C7: variants seen among roughly 807,000 people sequenced by gnomAD.
The protein encoded by C7 is complement component C7.
In C7, 83 loss-of-function variants were observed where a neutral mutation model predicts 104.8. That is an observed-to-expected ratio of 0.79 (90% CI 0.66 to 0.95). The LOEUF is 0.95. Ranked by LOEUF, C7 falls within the 40% of genes least tolerant of loss-of-function variation. The probability of loss-of-function intolerance (pLI) is 0.00; values close to 1 mark genes in which losing one functional copy is unlikely to be tolerated. For missense variants in C7, 1,070 were observed against 1,011.2 expected (o/e 1.06, Z -0.79); for synonymous variants, 415 against 360.6 (o/e 1.15, Z -1.71).
At chr5:40,969,591 G>A (rs968954435) in intron 14 of C7, among the ~76,000 whole-genome samples, 2 of 152,110 alleles carry the variant, frequency 1.3e-5, no homozygotes, top group African/African-American at 4.8e-5. Flanking sequence ...CTATTCCAAG[G>A]ATGTGGCCAT....
intron 1 of C7, among the ~76,000 whole-genome samples, chr5:40,917,322 C>T (rs1163994163): frequency 6.6e-6 from 1 of 152,052 alleles, no homozygotes; most frequent in African/African-American, 2.4e-5. Flanking sequence ...ACTTATTAGA[C>T]TTCAACATTT....
Position 40,955,488 on chromosome 5 carries a change from A to G in C7, c.1195A>G (p.Asn399Asp), listed in dbSNP as rs1455934108. ...SYLELDNPAG[N>D]KRRYSAWAES... ...CCTAGAGCTGGACAATCCTGCTGGA[A>G]ACAAAAGGCGATATTCTGCCTGGGC... The change falls in exon 10 of 18, where the codon AAC (asparagine) becomes GAC (aspartate). Residue 399 changes from asparagine to aspartate, a missense_variant. Coordinates refer to ENST00000313164, the MANE Select transcript of C7 (RefSeq NM_000587.4). The G allele has an allele frequency of 6.2e-7, 1 of 1,613,464 alleles. No individual in the cohort carries two copies. The highest frequency in any genetic ancestry group is 8.5e-7 in the Non-Finnish European group (1 of 1,179,668).
intron 1 of C7, among the ~76,000 whole-genome samples, chr5:40,912,060 T>A (rs530644675): frequency 3.3e-5 from 5 of 152,262 alleles, no homozygotes; most frequent in African/African-American, 1.2e-4. Context: ...ACATACTTCT[T>A]CAACCAAGCA....
intron 16 of C7, among the ~76,000 whole-genome samples, chr5:40,978,017 C>T (rs2111725972): frequency 6.6e-6 from 1 of 151,746 alleles, no homozygotes; most frequent in Admixed American, 6.6e-5. Flanking sequence ...TCTTGTAGTC[C>T]CAGCTACTCA....
At position 40,964,020 on chromosome 5, in the gene C7, CTTTTTTTTTTTTTTTTTT is replaced by C. The variant is rs869250524; in HGVS notation, c.1750-707_1750-690del. 2.5e-3 allele frequency among the ~76,000 whole-genome samples: 100 copies of C among 39,894 alleles called. 3 individuals are homozygous for C. In the South Asian group the frequency reaches 0.14, roughly 57 times the overall value. The allele number at this position is 39,894 out of a possible 152,430, so 26.2% of individuals were successfully genotyped here. On this transcript the variant is annotated intron_variant, in intron 13 of 17. Coordinates refer to ENST00000313164, the MANE Select transcript of C7 (RefSeq NM_000587.4). ...TATTGTCAATGAACAGCTCATAATA[CTTTTTTTTTTTTTTTTTT>C]TTTTTTTTTTTTTAGAGAGAGAGAG...
At chr5:40,959,864 A>ATTCTCAT (rs1403496590) in intron 12 of C7, among the ~76,000 whole-genome samples, 5 of 152,214 alleles carry the variant, frequency 3.3e-5, no homozygotes, top group Admixed American at 6.5e-5. Context: ...GGATACGATC[A>ATTCTCAT]TTCTCATTCG....
At chr5:40,964,670 T>C in intron 13 of C7, 71 bp from the exon 14 acceptor site, 2 of 1,326,402 alleles carry the variant, frequency 1.5e-6, no homozygotes, top group Non-Finnish European at 1.1e-6. Flanking sequence ...AGACTGAATA[T>C]ATGTAAAGAA....
chr5:40,926,495 C>T (rs946324202), intron 1 of C7, among the ~76,000 whole-genome samples: 7 of 152,244 alleles, frequency 4.6e-5, no homozygotes, highest in African/African-American at 1.7e-4. Context: ...TTGCTGGTGA[C>T]ACAATCTTAT....
chr5:40,918,814 T>C (rs1316713512), intron 1 of C7, among the ~76,000 whole-genome samples: 1 of 152,008 alleles, frequency 6.6e-6, no homozygotes, highest in African/African-American at 2.4e-5. Flanking sequence ...ATTAAGGATA[T>C]GATGGAAGAG....
intron 14 of C7, among the ~76,000 whole-genome samples, chr5:40,966,168 T>A (rs1050672322): frequency 1.3e-5 from 2 of 152,052 alleles, no homozygotes; most frequent in African/African-American, 4.8e-5. Flanking sequence ...GTTACATGAG[T>A]AAGTTCTTTA....
intron 1 of C7, among the ~76,000 whole-genome samples, chr5:40,910,200 AAAAAC>A (rs1284994588): frequency 6.6e-6 from 1 of 152,216 alleles, no homozygotes; most frequent in East Asian, 1.9e-4. Context: ...CCAAATATTA[AAAAAC>A]AAAACAAAAC....
At chr5:40,957,891 T>C (rs1044402491) in intron 10 of C7, 142 bp from the exon 11 acceptor site, 30 of 543,120 alleles carry the variant, frequency 5.5e-5, no homozygotes, top group African/African-American at 5.1e-4. Context: ...CTGTTTTCCT[T>C]TGTATTTGCA....
chr5:40,935,270 A>T (rs1291970859), intron 4 of C7, among the ~76,000 whole-genome samples: 6 of 152,196 alleles, frequency 3.9e-5, no homozygotes, highest in African/African-American at 1.4e-4. Flanking sequence ...CATTTGGATG[A>T]TTCGTTGGCC....
intron 1 of C7, among the ~76,000 whole-genome samples, chr5:40,926,894 A>G (rs1357655668): frequency 6.6e-6 from 1 of 151,790 alleles, no homozygotes; most frequent in Non-Finnish European, 1.5e-5. Context: ...AAATAGAAAA[A>G]AATCTTAAAG....
intron 1 of C7, among the ~76,000 whole-genome samples, chr5:40,912,165 A>AT (rs1184952005): frequency 4.6e-5 from 7 of 151,906 alleles, no homozygotes; most frequent in South Asian, 2.1e-4. Context: ...TTTATAAGGT[A>AT]TTTTTTCCAA....
Position 40,959,638 on chromosome 5 carries a change from C to T in C7, c.1661+18C>T, listed in dbSNP as rs151009276. On this transcript the variant is annotated intron_variant, in intron 12 of 17. Coordinates refer to ENST00000313164, the MANE Select transcript of C7 (RefSeq NM_000587.4). ...CACTTGAGGTAATGGAGACCCGACC[C>T]CCTGGCAGTTGCATAGAACACAGTA... is the stretch of plus-strand genomic sequence containing the variant. The T allele has an allele frequency of 6.4e-7, 1 of 1,557,222 alleles. No homozygotes were observed. Among genetic ancestry groups the T allele is most frequent in the South Asian group, 1.2e-5 (1 of 81,424 alleles).
intron 1 of C7, among the ~76,000 whole-genome samples, chr5:40,925,863 C>A (rs574034442): frequency 6.6e-4 from 101 of 152,212 alleles, no homozygotes; most frequent in Middle Eastern, 3.4e-3. Flanking sequence ...ATTTTCAAAC[C>A]CTTCCAAAAA....
chr5:40,976,041 C>T (rs928601406), intron 15 of C7, among the ~76,000 whole-genome samples: 8 of 152,270 alleles, frequency 5.3e-5, no homozygotes, highest in South Asian at 2.1e-4. Flanking sequence ...AGTTGGACCA[C>T]GGTGTTTACC....
chr5:40,954,935 C>T (rs1168640699), intron 9 of C7: 1 of 207,616 alleles, frequency 4.8e-6, no homozygotes, highest in African/African-American at 2.7e-5. Flanking sequence ...ATAAATATAG[C>T]TTAGTTTTTA....
Sources: gnomAD v4.1 joint callset for allele counts (sites outside exome capture counted in the v4.1 genomes callset) on GRCh38, gnomAD v4.1.1 for gene constraint, MANE v1.5 for transcripts, NCBI Gene and HGNC (gene_info 2026-07-23, HGNC 2026-07-21) for gene names.